Variants in MMRN1 observed in about 807,000 individuals in gnomAD.
MMRN1 encodes the protein multimerin-1.
In MMRN1, 94 loss-of-function variants were observed where a neutral mutation model predicts 100.7. That is an observed-to-expected ratio of 0.93 (90% confidence interval 0.79 to 1.11). The LOEUF (loss-of-function observed/expected upper bound fraction) is 1.11. Ranked by LOEUF, MMRN1 falls within the 50% of genes least tolerant of loss-of-function variation. The pLI, the probability that MMRN1 is intolerant of heterozygous loss-of-function variation, is 0.00. For missense variants in MMRN1, 1,606 were observed against 1,439.1 expected (o/e 1.12, Z -1.88); for synonymous variants, 575 against 505.0 (o/e 1.14, Z -1.86).
intron 1 of MMRN1, among the ~76,000 whole-genome samples, chr4:89,885,917 T>G (rs927691289): frequency 2.0e-5 from 3 of 152,064 alleles, no homozygotes; most frequent in Admixed American, 2.0e-4. Flanking sequence ...TATTTCTTCC[T>G]TCTACTAACT....
intron 5 of MMRN1, among the ~76,000 whole-genome samples, chr4:89,934,550 A>G (rs1199319323): frequency 6.6e-6 from 1 of 152,168 alleles, no homozygotes; most frequent in Non-Finnish European, 1.5e-5. Flanking sequence ...CATGTCTTTC[A>G]TCCAAAGGAC....
Position 89,953,740 on chromosome 4 carries a change from C to T in MMRN1, c.*322C>T, listed in dbSNP as rs1723257693. ...TAATATTATAAAATGGTAATTACAA[C>T]ATATTATCAGTCACAGTTTTCTTTC... On this transcript the variant is annotated 3_prime_UTR_variant, in exon 8 of 8. Coordinates refer to ENST00000264790, the MANE Select transcript of MMRN1 (RefSeq NM_007351.3). 5.5e-6 allele frequency: 1 copy of T among 181,032 alleles called. No homozygotes were observed. Among genetic ancestry groups the T allele is most frequent in the South Asian group, 1.9e-4 (1 of 5,378 alleles). 11.2% of individuals were successfully genotyped at this position (181,032 alleles called of 1,614,324 possible). A position where few individuals can be genotyped will look rare whatever the true frequency, so the allele number is the denominator to read the frequency against.
At position 89,935,597 on chromosome 4, in the gene MMRN1, A is replaced by C. The variant is rs550806098; in HGVS notation, c.1917A>C (p.Leu639=). 17 of 1,613,600 alleles carry C rather than the reference A, an allele frequency of 1.1e-5. No homozygotes were observed. Among genetic ancestry groups the C allele is most frequent in the Admixed American group, 1.7e-5 (1 of 59,966 alleles). ...DNKMDKMSEQ[L]NDLTYDMEIL... is the part of the protein sequence containing the mutation. The stretch of plus-strand genomic sequence containing the variant: ...AGATGGACAAAATGAGTGAGCAACT[A>C]AATGATTTGACTTATGATATGGAGA... The change falls in exon 6 of 8, where the codon CTA becomes CTC. Residue 639 remains leucine (L), a synonymous_variant. Transcript: ENST00000264790.
chr4:89,950,160 G>T (rs891940102), intron 6 of MMRN1, among the ~76,000 whole-genome samples: 5 of 152,180 alleles, frequency 3.3e-5, no homozygotes, highest in South Asian at 2.1e-4. Context: ...AACCAAACCT[G>T]TTGGAGAATC....
intron 4 of MMRN1, among the ~76,000 whole-genome samples, chr4:89,924,779 G>A (rs937286010): frequency 2.0e-5 from 3 of 152,108 alleles, no homozygotes; most frequent in Non-Finnish European, 4.4e-5. Context: ...GGGAGGCAGA[G>A]GTTGCAGTGA....
chr4:89,931,190 A>G (rs977178843), intron 5 of MMRN1, among the ~76,000 whole-genome samples: 1 of 152,164 alleles, frequency 6.6e-6, no homozygotes, highest in East Asian at 1.9e-4. Context: ...TTTAGGGTGC[A>G]GGATTTCCAG....
chr4:89,920,689 T>G (rs1426423859), intron 3 of MMRN1, among the ~76,000 whole-genome samples: 1 of 152,104 alleles, frequency 6.6e-6, no homozygotes, highest in South Asian at 2.1e-4. Flanking sequence ...TATTAATATA[T>G]CTAGTATTTT....
chr4:89,940,051 T>C (rs2110642166), intron 6 of MMRN1, among the ~76,000 whole-genome samples: 1 of 152,312 alleles, frequency 6.6e-6, no homozygotes, highest in South Asian at 2.1e-4. Flanking sequence ...AGTAGGCCAC[T>C]GATGATAAGA....
At chr4:89,900,312 G>A (rs562025760) in intron 1 of MMRN1, among the ~76,000 whole-genome samples, 1 of 152,070 alleles carries the variant, frequency 6.6e-6, no homozygotes, top group African/African-American at 2.4e-5. Context: ...CAGCCACACT[G>A]GCTTCCTTTC....
At position 89,938,912 on chromosome 4, in the gene MMRN1, A is replaced by T. The variant is rs567802525; in HGVS notation, c.3118+2114A>T. Among the ~76,000 whole-genome samples the T allele has an allele frequency of 7.1e-4, 108 of 152,210 alleles. 1 individual carries two copies. Among genetic ancestry groups the T allele is most frequent in the African/African-American group, 2.4e-3 (100 of 41,560 alleles). ...CTGACCTAATTCCCACGTGCAAGGT[A>T]GATATTCCTTTTATGCCAGGCCGGG... On this transcript the variant is annotated intron_variant, in intron 6 of 7. Transcript: ENST00000264790.
chr4:89,891,181 C>T (rs566187698), upstream of MMRN1, among the ~76,000 whole-genome samples: 11 of 152,044 alleles, frequency 7.2e-5, no homozygotes, highest in Admixed American at 5.2e-4. Flanking sequence ...TTAGGAGTAA[C>T]TTACAGGAGG....
intron 6 of MMRN1, among the ~76,000 whole-genome samples, 172 bp downstream of exon 6, chr4:89,936,970 T>G (rs921848840): frequency 2.0e-5 from 3 of 152,094 alleles, no homozygotes; most frequent in Non-Finnish European, 2.9e-5. Flanking sequence ...TATCTTACAG[T>G]ATTTCAGACA....
intron 6 of MMRN1, 181 bp from the exon 7 acceptor site, chr4:89,951,424 T>G (rs1291976984): frequency 8.5e-6 from 4 of 467,982 alleles, no homozygotes; most frequent in Non-Finnish European, 1.4e-5. Flanking sequence ...GATAGAGAGA[T>G]CAGAGCTAAG....
intron 1 of MMRN1, among the ~76,000 whole-genome samples, chr4:89,900,902 T>C (rs1276064496): frequency 2.0e-5 from 3 of 152,152 alleles, no homozygotes; most frequent in East Asian, 1.9e-4. Flanking sequence ...CAATACAGTC[T>C]TAAATGGGGT....
chr4:89,925,127 T>C (rs1041217122), intron 4 of MMRN1, among the ~76,000 whole-genome samples: 3 of 151,628 alleles, frequency 2.0e-5, no homozygotes, highest in African/African-American at 4.8e-5. Context: ...TCTTTTGCTA[T>C]TCTTTTTTAT....
intron 1 of MMRN1, among the ~76,000 whole-genome samples, chr4:89,908,136 G>T (rs1480261932): frequency 6.6e-6 from 1 of 150,972 alleles, no homozygotes; most frequent in Non-Finnish European, 1.5e-5. Context: ...GTCTTTTCTG[G>T]AATCCATCCT....
intron 3 of MMRN1, among the ~76,000 whole-genome samples, chr4:89,922,912 T>C (rs865827058): frequency 2.0e-5 from 3 of 152,172 alleles, no homozygotes; most frequent in South Asian, 2.1e-4. Flanking sequence ...CAAACTACCA[T>C]CCCTTTTCAC....
chr4:89,897,977 G>A (rs1385711558), intron 1 of MMRN1, among the ~76,000 whole-genome samples: 12 of 152,126 alleles, frequency 7.9e-5, no homozygotes, highest in Non-Finnish European at 1.6e-4. Flanking sequence ...CTATAGAAAA[G>A]TACTAACTGC....
In MMRN1 at chr4:89,935,974, G is replaced by A. The variant is rs374044968; in HGVS notation, c.2294G>A (p.Cys765Tyr). The A allele has an allele frequency of 3.0e-5, 48 of 1,612,516 alleles. No individual in the cohort carries two copies. Among genetic ancestry groups the A allele is most frequent in the Non-Finnish European group, 3.0e-5 (35 of 1,179,116 alleles). ...IKDNSEIHHK[C>Y]TSDMETILTF... is the part of the protein sequence containing the mutation. ...GATAATAGTGAGATCCATCATAAATGTACCTCCGATATGGAAACTATTTTG... is the reference window on the plus strand; with the variant it reads ...GATAATAGTGAGATCCATCATAAATATACCTCCGATATGGAAACTATTTTG... Residue 765 changes from cysteine (C) to tyrosine (Y), a missense_variant, in exon 6 of 8, where the codon TGT becomes TAT. Cys to Tyr is a radical substitution (Grantham distance 194). Coordinates refer to ENST00000264790, the MANE Select transcript of MMRN1 (RefSeq NM_007351.3).
Sources: allele counts gnomAD v4.1 joint callset (sites outside exome capture counted in the v4.1 genomes callset), GRCh38; gene constraint gnomAD v4.1.1; transcripts MANE v1.5; gene names NCBI Gene and HGNC (gene_info 2026-07-23, HGNC 2026-07-21).